The following WDPCP variants were observed in gnomAD, a reference collection of about 807,000 sequenced individuals.
WDPCP encodes the protein WD repeat-containing and planar cell polarity effector protein fritz homolog.
In WDPCP, 71 loss-of-function variants were observed where a neutral mutation model predicts 93.1. That is an observed-to-expected ratio of 0.76 (90% CI 0.63 to 0.93). The LOEUF (loss-of-function observed/expected upper bound fraction) is 0.93, where lower values mean the gene tolerates loss of function less well. WDPCP is among the 40% of genes least tolerant of loss of function. WDPCP has a pLI of 0.00. For missense variants in WDPCP, 844 were observed against 887.4 expected, an observed-to-expected ratio of 0.95 and a Z score of 0.62; for synonymous variants, 315 against 315.0, an observed-to-expected ratio of 1.00 and a Z score of 0.00.
intron 9 of WDPCP, among the ~76,000 whole-genome samples, chr2:63,429,830 A>T (rs901248746): frequency 2.6e-5 from 4 of 152,176 alleles, no homozygotes; most frequent in Non-Finnish European, 5.9e-5. Flanking sequence ...CCATCCTATT[A>T]CTGGGTATAC....
At chr2:63,611,240 T>C (rs550547647) in intron 3 of WDPCP, among the ~76,000 whole-genome samples, 2 of 152,380 alleles carry the variant, frequency 1.3e-5, no homozygotes, top group South Asian at 2.1e-4. Context: ...TTTCAATCTT[T>C]TACTACTATA....
chr2:63,505,492 A>G (rs761176484), intron 1 of WDPCP, among the ~76,000 whole-genome samples: 6 of 152,116 alleles, frequency 3.9e-5, no homozygotes, highest in African/African-American at 1.4e-4. Flanking sequence ...AGAATAAAAT[A>G]AGGAAGATTC....
Position 63,381,990 on chromosome 2 carries a change from C to T in WDPCP, c.1540G>A (p.Asp514Asn), listed in dbSNP as rs1239965172. Residue 514 changes from aspartate (D) to asparagine (N), a missense_variant, in exon 11 of 18, where the codon GAC (aspartate) becomes AAC (asparagine). Physicochemically the swap from Asp to Asn is conservative, Grantham distance 23. Coordinates refer to ENST00000272321, the MANE Select transcript of WDPCP (RefSeq NM_015910.7). ...ATAAAGCACTGGTGGCCCAGAGTGT[C>T]CCAGTTCATGCTGCTCAGGATGTTT... Reference protein sequence around the residue: ...AINILSSMNWDTLGHQCFISM... With the variant: ...AINILSSMNWNTLGHQCFISM... 2 of 1,613,532 alleles carry T rather than the reference C, an allele frequency of 1.2e-6. No homozygotes were observed. The highest frequency in any genetic ancestry group is 3.3e-5 in the Admixed American group (2 of 59,904).
chr2:63,719,867 C>G (rs1669390554), intron 2 of WDPCP, among the ~76,000 whole-genome samples: 2 of 152,020 alleles, frequency 1.3e-5, no homozygotes, highest in Admixed American at 1.3e-4. Flanking sequence ...AGAAATTAGC[C>G]TTTCTGAGCG....
At chr2:63,382,341 A>AT (rs1692384690) in intron 10 of WDPCP, among the ~76,000 whole-genome samples, 1 of 151,980 alleles carries the variant, frequency 6.6e-6, no homozygotes, top group African/African-American at 2.4e-5. Context: ...TAAAACAAAG[A>AT]TTGGGGGGTG....
intron 1 of WDPCP, among the ~76,000 whole-genome samples, chr2:63,823,425 C>G (rs1671056015): frequency 6.6e-6 from 1 of 152,050 alleles, no homozygotes; most frequent in Non-Finnish European, 1.5e-5. Context: ...ACTGCTTGAA[C>G]CTGGGAGGCA....
chr2:63,574,176 C>T (rs1259534704), intron 1 of WDPCP, among the ~76,000 whole-genome samples: 1 of 152,148 alleles, frequency 6.6e-6, no homozygotes, highest in African/African-American at 2.4e-5. Context: ...CCTATTCATA[C>T]ACTCCCTCCC....
In WDPCP at chr2:63,734,620, C is replaced by G. The variant is rs1431612169; in HGVS notation, n.308+79002G>C. The stretch of plus-strand genomic sequence containing the variant: ...ATCTACAGAGTTAGTGTTGATCTTT[C>G]TCAGAGTTGCATCAGCTTTAACAAA... On this transcript the variant is annotated intron_variant and non_coding_transcript_variant, in intron 2 of 4. Transcript: ENST00000467687. 2.0e-5 allele frequency among the ~76,000 whole-genome samples: 3 copies of G among 152,224 alleles called. No individual in the cohort carries two copies. In the East Asian group the frequency reaches 5.8e-4, roughly 29 times the overall value.
intron 9 of WDPCP, among the ~76,000 whole-genome samples, chr2:63,415,156 G>A (rs1391191179): frequency 3.3e-5 from 5 of 152,134 alleles, no homozygotes; most frequent in Admixed American, 3.3e-4. Context: ...GAGCCCAAGG[G>A]TTTGAGACCC....
intron 2 of WDPCP, among the ~76,000 whole-genome samples, chr2:63,689,201 G>C (rs1438730210): frequency 6.6e-6 from 1 of 151,638 alleles, no homozygotes. Context: ...TGGGGAGGGG[G>C]AATCTAATTT....
intron 2 of WDPCP, among the ~76,000 whole-genome samples, chr2:63,736,378 C>G (rs1347840227): frequency 1.3e-5 from 2 of 152,174 alleles, no homozygotes; most frequent in Non-Finnish European, 2.9e-5. Flanking sequence ...CCTTACTTAT[C>G]AGGTATCATA....
Position 63,120,501 on chromosome 2 carries a change from GATT to G in WDPCP, c.*1502_*1504del, listed in dbSNP as rs1009896166. Among the ~76,000 whole-genome samples, 5 of 148,448 alleles carry G rather than the reference GATT, an allele frequency of 3.4e-5. No homozygotes were observed. On this transcript the variant is annotated 3_prime_UTR_variant, in exon 18 of 18. Coordinates refer to ENST00000272321, the MANE Select transcript of WDPCP (RefSeq NM_015910.7). ...TTATTGTCTAATATTAAACAATGTT[GATT>G]ATTATTATAGATGTCTATAATTTTT...
intron 12 of WDPCP, chr2:63,359,675 A>T (rs1032460677): frequency 6.6e-6 from 1 of 152,248 alleles, no homozygotes; most frequent in African/African-American, 2.4e-5. Flanking sequence ...AAATGAAATC[A>T]CATCCATACA....
chr2:63,256,590 A>G (rs1681171905), intron 14 of WDPCP, among the ~76,000 whole-genome samples: 1 of 152,176 alleles, frequency 6.6e-6, no homozygotes, highest in African/African-American at 2.4e-5. Context: ...TTCTAAGCAC[A>G]GTCAAACAGA....
intron 1 of WDPCP, among the ~76,000 whole-genome samples, chr2:63,529,310 C>T (rs1703624099): frequency 6.6e-6 from 1 of 152,158 alleles, no homozygotes; most frequent in South Asian, 2.1e-4. Flanking sequence ...AAAGGGAATG[C>T]TTCCAGTTTT....
intron 2 of WDPCP, among the ~76,000 whole-genome samples, chr2:63,775,982 T>G (rs1360224884): frequency 6.6e-6 from 1 of 152,046 alleles, no homozygotes; most frequent in Admixed American, 6.6e-5. Context: ...GAGAACTGCT[T>G]GAGCCCAAGA....
intron 1 of WDPCP, among the ~76,000 whole-genome samples, chr2:63,558,491 T>C (rs996598879): frequency 2.0e-5 from 3 of 148,778 alleles, no homozygotes; most frequent in Non-Finnish European, 3.0e-5. Context: ...ACCGCACCAC[T>C]GCACTCCAGC....
Position 63,565,055 on chromosome 2 carries a change from C to T in WDPCP, c.75+23142G>A, listed in dbSNP as rs1260285211. Among the ~76,000 whole-genome samples, 6 of 152,248 alleles carry T rather than the reference C, an allele frequency of 3.9e-5. No individual in the cohort carries two copies. The East Asian group carries it at 5.8e-4, about 15-fold the overall frequency. On this transcript the variant is annotated intron_variant, in intron 1 of 17. Transcript: ENST00000272321. ...CCTCCAAAGGTGCTGGGATTACAGGCGTGAGTCATGGCACCTGGCCAAAAC... is the reference window on the plus strand; with the variant it reads ...CCTCCAAAGGTGCTGGGATTACAGGTGTGAGTCATGGCACCTGGCCAAAAC...
At chr2:63,428,864 T>C (rs1394636777) in intron 9 of WDPCP, among the ~76,000 whole-genome samples, 3 of 152,134 alleles carry the variant, frequency 2.0e-5, no homozygotes, top group Non-Finnish European at 4.4e-5. Context: ...CAATAAGAAC[T>C]ACGAAATACT....
Sources: gnomAD v4.1 joint callset for allele counts (sites outside exome capture counted in the v4.1 genomes callset) on GRCh38, gnomAD v4.1.1 for gene constraint, MANE v1.5 for transcripts, NCBI Gene and HGNC (gene_info 2026-07-23, HGNC 2026-07-21) for gene names.